Variants in GTF2F2 observed in about 807,000 individuals in gnomAD.
GTF2F2 encodes the protein general transcription factor IIF subunit 2, also known as ATP-dependent helicase GTF2F2.
Under a neutral mutation model 42.2 loss-of-function variants are expected in GTF2F2, and 23 were observed. The ratio of observed to expected loss-of-function variants is 0.55; its 90% CI spans 0.39 to 0.77. The LOEUF (loss-of-function observed/expected upper bound fraction) is 0.77, where lower values mean the gene tolerates loss of function less well. Among genes scored for constraint, GTF2F2 ranks in the 30% least tolerant of loss-of-function variants. GTF2F2 has a pLI of 0.00. For missense variants in GTF2F2, 261 were observed against 287.2 expected, an observed-to-expected ratio of 0.91 and a Z score of 0.66; for synonymous variants, 105 against 100.8, an observed-to-expected ratio of 1.04 and a Z score of -0.25.
At chr13:45,235,422 G>C (rs1020774514) in intron 5 of GTF2F2, among the ~76,000 whole-genome samples, 7 of 151,848 alleles carry the variant, frequency 4.6e-5, no homozygotes, top group Non-Finnish European at 1.0e-4. Context: ...GCACAGGATA[G>C]GCTTGAGTTT....
chr13:45,162,780 C>T (rs987777958), intron 4 of GTF2F2, among the ~76,000 whole-genome samples: 2 of 152,144 alleles, frequency 1.3e-5, no homozygotes, highest in African/African-American at 4.8e-5. Flanking sequence ...ATGATTTACT[C>T]TCCAGTTTTT....
chr13:45,247,958 C>G (rs1278572240), intron 5 of GTF2F2, among the ~76,000 whole-genome samples: 1 of 152,134 alleles, frequency 6.6e-6, no homozygotes, highest in Non-Finnish European at 1.5e-5. Flanking sequence ...AATTCTCCTG[C>G]CTCAGCCTCC....
chr13:45,181,766 G>GCATT (rs1036792712), intron 4 of GTF2F2, among the ~76,000 whole-genome samples: 1 of 152,064 alleles, frequency 6.6e-6, no homozygotes, highest in African/African-American at 2.4e-5. Flanking sequence ...TCATCCAAAA[G>GCATT]CATTGTCTTT....
At chr13:45,240,866 A>G (rs1875259266) in intron 5 of GTF2F2, among the ~76,000 whole-genome samples, 1 of 151,282 alleles carries the variant, frequency 6.6e-6, no homozygotes. Flanking sequence ...TTGTCTGAGC[A>G]TGGTGGCTCA....
At position 45,205,036 on chromosome 13, in the gene GTF2F2, GAA is replaced by G. The variant is rs1450141750; in HGVS notation, c.305-2386_305-2385del. Among the ~76,000 whole-genome samples, 9 of 152,254 alleles carry G rather than the reference GAA, an allele frequency of 5.9e-5. No homozygotes were observed. In the East Asian group the frequency reaches 1.7e-3, roughly 29 times the overall value. On this transcript the variant is annotated intron_variant, in intron 4 of 7. Coordinates refer to ENST00000340473, the MANE Select transcript of GTF2F2 (RefSeq NM_004128.3). ...AGGTTGATAGCACAAACCTTTAACT[GAA>G]AGTTAAATTCAGCCTGTCCACCTGG...
At position 45,265,010 on chromosome 13, in the gene GTF2F2, T is replaced by C. The variant is rs979289021; in HGVS notation, c.487-2223T>C. The stretch of plus-strand genomic sequence containing the variant: ...GCGTGGTGGCTCACGCCTGTAATCC[T>C]AGCACTTTGGGAGGCCGAGGCGGGC... On this transcript the variant is annotated intron_variant, in intron 6 of 7. Coordinates refer to ENST00000340473, the MANE Select transcript of GTF2F2 (RefSeq NM_004128.3). Among the ~76,000 whole-genome samples, 33 of 152,140 alleles carry C rather than the reference T, an allele frequency of 2.2e-4. 1 individual carries two copies. Among genetic ancestry groups the C allele is most frequent in the African/African-American group, 7.0e-4 (29 of 41,544 alleles).
chr13:45,235,651 G>T (rs146110816), intron 5 of GTF2F2, among the ~76,000 whole-genome samples: 1 of 151,754 alleles, frequency 6.6e-6, no homozygotes, highest in Non-Finnish European at 1.5e-5. Context: ...GTGCAGTGGC[G>T]TGATCTCAGC....
rs1877374392 is a variant in GTF2F2, at chr13:45,284,070, C to G, written c.*509C>G. On this transcript the variant is annotated 3_prime_UTR_variant, in exon 8 of 8. Transcript: ENST00000340473. ...CAGGTGATCACGTTTCGTGTTCATA[C>G]TCAACGTTAATAAAAGGAGAGAGTT... 1 of 152,138 alleles carries G rather than the reference C, an allele frequency of 6.6e-6. No individual in the cohort carries two copies. The highest frequency in any genetic ancestry group is 2.1e-4 in the South Asian group (1 of 4,826). The allele number at this position is 152,138 out of a possible 1,614,324, so 9.4% of individuals were successfully genotyped here. A position where few individuals can be genotyped will look rare whatever the true frequency, so the allele number is the denominator to read the frequency against.
chr13:45,251,016 A>C (rs908934233), intron 5 of GTF2F2, among the ~76,000 whole-genome samples: 1 of 152,260 alleles, frequency 6.6e-6, no homozygotes, highest in Non-Finnish European at 1.5e-5. Context: ...TATTTAAAGG[A>C]TAAGCATGGA....
At chr13:45,243,255 G>T (rs544794225) in intron 5 of GTF2F2, among the ~76,000 whole-genome samples, 1 of 152,106 alleles carries the variant, frequency 6.6e-6, no homozygotes, top group African/African-American at 2.4e-5. Context: ...ATACTGGTCC[G>T]TGCCTGTTAG....
intron 2 of GTF2F2, among the ~76,000 whole-genome samples, chr13:45,140,281 G>A (rs929861335): frequency 1.3e-5 from 2 of 152,034 alleles, no homozygotes; most frequent in Admixed American, 1.3e-4. Flanking sequence ...GTCTGCAGTT[G>A]GTTGACTCCA....
rs148858226 is a variant in GTF2F2 at position 45,267,372 on chromosome 13, C to T, written c.626C>T (p.Pro209Leu). Residue 209 changes from proline (P) to leucine (L), a missense_variant, in exon 7 of 8, where the codon CCT (proline) becomes CTT (leucine). Transcript: ENST00000340473. ...LKDLVDITKQ[P>L]VVYLKEILKE... ...GACTTGGTGGACATCACAAAGCAAC[C>T]TGTGGTATGTATATGTTCATACTGA... is the stretch of plus-strand genomic sequence containing the variant. The T allele has an allele frequency of 1.4e-4, 224 of 1,600,288 alleles. No homozygotes were observed. Among genetic ancestry groups the T allele is most frequent in the Non-Finnish European group, 1.8e-4 (210 of 1,170,116 alleles).
At chr13:45,276,730 C>G (rs1016779897) in intron 7 of GTF2F2, among the ~76,000 whole-genome samples, 8 of 152,116 alleles carry the variant, frequency 5.3e-5, no homozygotes, top group Non-Finnish European at 1.2e-4. Context: ...CATGAGCCAC[C>G]GCGCCCGGCC....
rs928486895 is a variant in GTF2F2, at chr13:45,159,141, A to C, written c.304+7310A>C. On this transcript the variant is annotated intron_variant, in intron 4 of 7. Transcript: ENST00000340473. ...TATTGTCATGAGACATATTCCCCAG[A>C]TAAAGTAGCAGCTGAGTTCACTGAT... 2.0e-5 allele frequency among the ~76,000 whole-genome samples: 3 copies of C among 152,324 alleles called. No individual in the cohort carries two copies. In the East Asian group the frequency reaches 5.8e-4, roughly 29 times the overall value.
chr13:45,200,177 C>G lies in GTF2F2; in HGVS notation c.305-7247C>G, dbSNP rs149113317. On this transcript the variant is annotated intron_variant, in intron 4 of 7. Coordinates refer to ENST00000340473, the MANE Select transcript of GTF2F2 (RefSeq NM_004128.3). ...TGAAATATTTGAGCAGCTCTGTGAGCTATTCCCTCCGTATCACAAGAAAGT... is the reference window on the plus strand; with the variant it reads ...TGAAATATTTGAGCAGCTCTGTGAGGTATTCCCTCCGTATCACAAGAAAGT... Among the ~76,000 whole-genome samples, 63 of 151,998 alleles carry G rather than the reference C, an allele frequency of 4.1e-4. No individual in the cohort carries two copies. The East Asian group carries it at 0.012, about 28-fold the overall frequency.
At chr13:45,123,965 C>A in intron 1 of GTF2F2, 1 of 730,616 alleles carries the variant, frequency 1.4e-6, no homozygotes, top group South Asian at 1.6e-5. Flanking sequence ...CATTGAGGGT[C>A]TCTCTCTTCC....
At chr13:45,145,742 C>T (rs1054992424) in intron 2 of GTF2F2, among the ~76,000 whole-genome samples, 5 of 152,174 alleles carry the variant, frequency 3.3e-5, no homozygotes, top group East Asian at 1.9e-4. Flanking sequence ...TTGTTCAGTC[C>T]GTTCCCAACT....
At chr13:45,182,298 C>T (rs895427599) in intron 4 of GTF2F2, among the ~76,000 whole-genome samples, 1 of 151,888 alleles carries the variant, frequency 6.6e-6, no homozygotes, top group Admixed American at 6.6e-5. Context: ...TTACAGACGC[C>T]CACTGCTACG....
At chr13:45,177,339 C>G (rs183974551) in intron 4 of GTF2F2, among the ~76,000 whole-genome samples, 7 of 152,228 alleles carry the variant, frequency 4.6e-5, no homozygotes, top group South Asian at 2.1e-4. Context: ...CTTACCACCT[C>G]CCATCTGCAG....
Sources: allele counts gnomAD v4.1 joint callset (sites outside exome capture counted in the v4.1 genomes callset), GRCh38; gene constraint gnomAD v4.1.1; transcripts MANE v1.5; gene names NCBI Gene and HGNC (gene_info 2026-07-23, HGNC 2026-07-21).